Variants in MGAT5 observed in about 807,000 individuals in gnomAD.
MGAT5 encodes alpha-1,6-mannosylglycoprotein 6-beta-N-acetylglucosaminyltransferase, also known as alpha-1,6-mannosylglycoprotein 6-beta-N-acetylglucosaminyltransferase A.
MGAT5 carries 30 observed loss-of-function variants against 94.3 expected under a neutral mutation model. The ratio of observed to expected loss-of-function variants is 0.32; its 90% CI spans 0.24 to 0.43. The LOEUF (loss-of-function observed/expected upper bound fraction) is 0.43, where lower values mean the gene tolerates loss of function less well. Among genes scored for constraint, MGAT5 ranks in the 20% least tolerant of loss-of-function variants. The pLI is 1.00. For synonymous variants in MGAT5, 310 were observed against 322.9 expected (o/e 0.96, Z 0.43); for missense variants, 691 against 905.5 (o/e 0.76, Z 3.04).
chr2:134,233,213 A>G (rs916135005), intron 1 of MGAT5, among the ~76,000 whole-genome samples: 1 of 152,180 alleles, frequency 6.6e-6, no homozygotes, highest in African/African-American at 2.4e-5. Context: ...TCATAAGTCT[A>G]AAATATAGTG....
intron 9 of MGAT5, among the ~76,000 whole-genome samples, chr2:134,360,176 G>A (rs929340002): frequency 6.6e-5 from 10 of 152,126 alleles, no homozygotes; most frequent in East Asian, 3.8e-4. Context: ...GGATGAAAAC[G>A]TAGAAGAGAG....
chr2:134,156,650 C>T lies in MGAT5; in HGVS notation c.-143+36359C>T, dbSNP rs143493131. Among the ~76,000 whole-genome samples, 1,131 of 152,280 alleles carry T rather than the reference C, an allele frequency of 7.4e-3. 11 individuals are homozygous for T. The highest frequency in any genetic ancestry group is 0.025 in the African/African-American group (1,036 of 41,548). ...CTTGTAAGGCACTCTTGAGTTGGCT[C>T]CCTGTGCCCCTTTTACCTGACGAGA... On this transcript the variant is annotated intron_variant, in intron 1 of 16. Transcript: ENST00000409645.
At chr2:134,297,846 G>A (rs1009463670) in intron 2 of MGAT5, among the ~76,000 whole-genome samples, 4 of 151,980 alleles carry the variant, frequency 2.6e-5, no homozygotes, top group African/African-American at 9.7e-5. Context: ...TTGAAGTTAA[G>A]TGATGGGTAG....
intron 1 of MGAT5, among the ~76,000 whole-genome samples, chr2:134,187,407 T>C (rs1689098745): frequency 6.6e-6 from 1 of 152,182 alleles, no homozygotes; most frequent in African/African-American, 2.4e-5. Context: ...AGGGGTTGGA[T>C]GTATCCGTTG....
chr2:134,298,703 G>C (rs777612138), intron 2 of MGAT5, among the ~76,000 whole-genome samples: 16 of 152,078 alleles, frequency 1.1e-4, no homozygotes, highest in South Asian at 2.1e-4. Context: ...AGTCTCTTTT[G>C]ATTAGATGTG....
intron 1 of MGAT5, among the ~76,000 whole-genome samples, chr2:134,204,779 A>G (rs1679952227): frequency 6.6e-6 from 1 of 152,176 alleles, no homozygotes; most frequent in African/African-American, 2.4e-5. Context: ...TGGGGATACT[A>G]TGGGAAAAGC....
At chr2:134,438,366 T>C (rs1685286660) in intron 14 of MGAT5, among the ~76,000 whole-genome samples, 2 of 152,228 alleles carry the variant, frequency 1.3e-5, no homozygotes, top group Non-Finnish European at 2.9e-5. Flanking sequence ...TAAACAAAGT[T>C]GCTTGCATTA....
intron 2 of MGAT5, among the ~76,000 whole-genome samples, chr2:134,276,791 T>G (rs952246049): frequency 6.6e-6 from 1 of 152,194 alleles, no homozygotes; most frequent in Non-Finnish European, 1.5e-5. Flanking sequence ...CTGCATTTAA[T>G]CTTCAGTTAG....
intron 1 of MGAT5, among the ~76,000 whole-genome samples, chr2:134,214,740 T>C (rs1680380394): frequency 6.6e-6 from 1 of 152,238 alleles, no homozygotes; most frequent in East Asian, 1.9e-4. Flanking sequence ...CAAATATTTA[T>C]GTCGCAACCT....
intron 4 of MGAT5, chr2:134,319,772 C>T (rs1271494963): frequency 9.5e-6 from 4 of 420,554 alleles, no homozygotes; most frequent in African/African-American, 2.1e-5. Flanking sequence ...GGAATTCTCC[C>T]AGTGACACTT....
intron 2 of MGAT5, among the ~76,000 whole-genome samples, chr2:134,281,452 A>G (rs1307536463): frequency 1.3e-5 from 2 of 152,196 alleles, no homozygotes; most frequent in African/African-American, 4.8e-5. Flanking sequence ...GGTTGCGCTC[A>G]TGTCTTTTTT....
intron 13 of MGAT5, among the ~76,000 whole-genome samples, chr2:134,423,688 G>A (rs1684423317): frequency 6.6e-6 from 1 of 152,232 alleles, no homozygotes; most frequent in African/African-American, 2.4e-5. Context: ...CGCACACAGT[G>A]TGGGTTCAGT....
At chr2:134,433,120 G>A (rs1041008064) in intron 14 of MGAT5, among the ~76,000 whole-genome samples, 23 of 152,184 alleles carry the variant, frequency 1.5e-4, no homozygotes, top group Admixed American at 1.2e-3. Context: ...GGAAACCACT[G>A]ATCTGTTTCC....
chr2:134,265,888 G>A (rs1683679819), intron 1 of MGAT5, among the ~76,000 whole-genome samples: 1 of 152,114 alleles, frequency 6.6e-6, no homozygotes, highest in Admixed American at 6.5e-5. Flanking sequence ...AACACAAATG[G>A]TCTGGGCGCG....
chr2:134,253,032 A>G (rs1682713274), upstream of MGAT5: 1 of 152,192 alleles, frequency 6.6e-6, no homozygotes, highest in Non-Finnish European at 1.5e-5. Flanking sequence ...GCCACAAAAG[A>G]TGGTATGTCA....
In MGAT5 at chr2:134,428,393, C is replaced by T. The variant is rs367720907; in HGVS notation, c.1823C>T (p.Thr608Met). 70 of 1,613,928 alleles carry T rather than the reference C, an allele frequency of 4.3e-5. No homozygotes were observed. Among genetic ancestry groups the T allele is most frequent in the East Asian group, 2.9e-4 (13 of 44,890 alleles). ...KIEPYMPYEF[T>M]CEGMLQRINA... ...GAGCCATACATGCCATATGAATTTA[C>T]GTGCGAGGGGATGCTACAGAGAATC... The change falls in exon 14 of 16, where the codon ACG becomes ATG. Residue 608 changes from threonine (T) to methionine (M), a missense_variant. Thr to Met is a moderately conservative substitution (Grantham distance 81). Transcript: ENST00000281923.
intron 10 of MGAT5, among the ~76,000 whole-genome samples, chr2:134,388,432 A>T (rs1163544361): frequency 6.7e-6 from 1 of 150,350 alleles, no homozygotes; most frequent in Non-Finnish European, 1.5e-5. Flanking sequence ...AGATATGAAG[A>T]TCTTTAAAAA....
chr2:134,208,348 T>G (rs1249100451), intron 1 of MGAT5, among the ~76,000 whole-genome samples: 1 of 152,208 alleles, frequency 6.6e-6, no homozygotes, highest in Non-Finnish European at 1.5e-5. Context: ...AACAAATACT[T>G]AACTATTAGT....
chr2:134,162,699 A>C (rs1687791474), intron 1 of MGAT5, among the ~76,000 whole-genome samples: 1 of 152,156 alleles, frequency 6.6e-6, no homozygotes, highest in African/African-American at 2.4e-5. Flanking sequence ...CCCCTTAAGG[A>C]GACTTACTGA....
Sources: allele counts gnomAD v4.1 joint callset (sites outside exome capture counted in the v4.1 genomes callset), GRCh38; gene constraint gnomAD v4.1.1; transcripts MANE v1.5; gene names NCBI Gene and HGNC (gene_info 2026-07-23, HGNC 2026-07-21).